RFX4: variants seen among roughly 807,000 people sequenced by gnomAD.
RFX4 encodes the protein transcription factor RFX4.
Under a neutral mutation model 95.0 loss-of-function variants are expected in RFX4, and 10 were observed. The ratio of observed to expected loss-of-function variants is 0.11; its 90% CI spans 0.06 to 0.18. RFX4 has a LOEUF of 0.18. RFX4 is among the 10% of genes least tolerant of loss of function. The pLI, the probability that RFX4 is intolerant of heterozygous loss-of-function variation, is 1.00. For missense variants in RFX4, 640 were observed against 922.0 expected (o/e 0.69, Z 3.96); for synonymous variants, 321 against 340.7 (o/e 0.94, Z 0.64).
intron 3 of RFX4, among the ~76,000 whole-genome samples, chr12:106,641,977 CTATATCTATATCTA>C (rs1565961045): frequency 2.7e-5 from 4 of 145,820 alleles, no homozygotes; most frequent in Non-Finnish European, 6.0e-5. Flanking sequence ...CTATCTATAT[CTATATCTATATCTA>C]TATCTATATC....
chr12:106,611,695 T>C (rs1047455579), intron 2 of RFX4, among the ~76,000 whole-genome samples: 3 of 152,084 alleles, frequency 2.0e-5, no homozygotes, highest in African/African-American at 7.2e-5. Context: ...ATTTTTTTAG[T>C]ACAGACAGGG....
chr12:106,589,629 C>T (rs1002305386), intron 1 of RFX4, among the ~76,000 whole-genome samples: 4 of 152,138 alleles, frequency 2.6e-5, no homozygotes, highest in Non-Finnish European at 5.9e-5. Context: ...ACACTCATGC[C>T]CTCTCCCCAC....
chr12:106,699,143 T>C (rs2041939358), intron 8 of RFX4, among the ~76,000 whole-genome samples: 1 of 152,168 alleles, frequency 6.6e-6, no homozygotes, highest in African/African-American at 2.4e-5. Context: ...TTCTACTTTC[T>C]CTTGTGAATT....
chr12:106,720,196 A>T lies in RFX4; in HGVS notation c.1233+142A>T. On this transcript the variant is annotated intron_variant, in intron 12 of 17. Transcript: ENST00000392842. This position sits in a 1 kb window ranked among gnomAD's most constrained non-coding sequence, Gnocchi z 4.2. ...GGCCCCAGGAGGTGGAGGGGTCAGG[A>T]GGCAGGACTCTTGAGTCTTCCATCC... is the stretch of plus-strand genomic sequence containing the variant. The T allele has an allele frequency of 3.0e-6, 2 of 672,704 alleles. No individual in the cohort carries two copies. Among genetic ancestry groups the T allele is most frequent in the Non-Finnish European group, 5.2e-6 (2 of 382,634 alleles). The allele number at this position is 672,704 out of a possible 1,614,324, so 41.7% of individuals were successfully genotyped here. A position where few individuals can be genotyped will look rare whatever the true frequency, so the allele number is the denominator to read the frequency against.
At chr12:106,625,329 T>C (rs2040272915) in intron 2 of RFX4, among the ~76,000 whole-genome samples, 1 of 152,224 alleles carries the variant, frequency 6.6e-6, no homozygotes, top group South Asian at 2.1e-4. Context: ...CTGATATTTT[T>C]TGATGGAATG....
chr12:106,653,924 T>C (rs1164989871), intron 3 of RFX4, among the ~76,000 whole-genome samples: 1 of 152,194 alleles, frequency 6.6e-6, no homozygotes, highest in Non-Finnish European at 1.5e-5. Flanking sequence ...GGAGTTTGCA[T>C]GTATCTGATC....
At chr12:106,610,348 A>C (rs11113056) in intron 2 of RFX4, among the ~76,000 whole-genome samples, 1 of 152,098 alleles carries the variant, frequency 6.6e-6, no homozygotes, top group Admixed American at 6.5e-5. Flanking sequence ...TCTGAAATGT[A>C]CAATTCATTG....
intron 1 of RFX4, among the ~76,000 whole-genome samples, chr12:106,588,992 C>T (rs2039500651): frequency 6.6e-6 from 1 of 152,178 alleles, no homozygotes; most frequent in South Asian, 2.1e-4. Flanking sequence ...GGTCTCTACT[C>T]CACAGGTTCC....
At chr12:106,688,073 T>C (rs2041699749) in intron 6 of RFX4, among the ~76,000 whole-genome samples, 2 of 145,746 alleles carry the variant, frequency 1.4e-5, no homozygotes, top group South Asian at 2.3e-4. Flanking sequence ...TCTTTTTTTT[T>C]TTTTTTTTTT....
chr12:106,677,683 G>A (rs1219731457), intron 4 of RFX4, among the ~76,000 whole-genome samples: 4 of 152,088 alleles, frequency 2.6e-5, no homozygotes, highest in Non-Finnish European at 5.9e-5. Flanking sequence ...CTCCAGCCTG[G>A]TCAACAGAGT....
At chr12:106,747,187 A>C (rs781029533) in intron 15 of RFX4, among the ~76,000 whole-genome samples, 4 of 152,196 alleles carry the variant, frequency 2.6e-5, no homozygotes, top group Non-Finnish European at 5.9e-5. Context: ...CAGCAGAAAC[A>C]GCACGTGCAA....
At chr12:106,584,609 T>G (rs375424220) in intron 1 of RFX4, among the ~76,000 whole-genome samples, 5 of 152,224 alleles carry the variant, frequency 3.3e-5, no homozygotes, top group African/African-American at 1.2e-4. Context: ...CTAGGCAGGC[T>G]GGATATGGAA....
intron 13 of RFX4, among the ~76,000 whole-genome samples, chr12:106,728,732 G>A (rs1489265068): frequency 3.3e-5 from 5 of 151,832 alleles, no homozygotes; most frequent in Admixed American, 6.6e-5. Context: ...TATCCTCATC[G>A]CTGCGACACT....
intron 17 of RFX4, among the ~76,000 whole-genome samples, chr12:106,760,070 G>C (rs1000971630): frequency 3.9e-5 from 6 of 152,092 alleles, no homozygotes; most frequent in African/African-American, 1.4e-4. Context: ...TCCCTCACAG[G>C]AGGCAGCCTC....
chr12:106,635,781 T>G (rs939047219), intron 2 of RFX4, among the ~76,000 whole-genome samples: 1 of 152,200 alleles, frequency 6.6e-6, no homozygotes, highest in Admixed American at 6.5e-5. Context: ...TAAAGAACTC[T>G]GAGAGTGTCA....
intron 1 of RFX4, among the ~76,000 whole-genome samples, chr12:106,591,687 C>T (rs571357960): frequency 6.6e-6 from 1 of 152,304 alleles, no homozygotes; most frequent in Non-Finnish European, 1.5e-5. Flanking sequence ...TTGGGATTCA[C>T]TCAAACTTTG....
chr12:106,706,622 G>T (rs146987306), intron 8 of RFX4, among the ~76,000 whole-genome samples: 1 of 152,202 alleles, frequency 6.6e-6, no homozygotes, highest in Non-Finnish European at 1.5e-5. Flanking sequence ...CAGGATAGAT[G>T]AATAGATTAC....
intron 16 of RFX4, 73 bp from the exon 17 acceptor site, chr12:106,750,582 G>C: frequency 7.6e-7 from 1 of 1,310,976 alleles, no homozygotes; most frequent in Non-Finnish European, 9.9e-7. Flanking sequence ...AATAGATGAG[G>C]TTTTTAAAAA....
chr12:106,723,812 A>G (rs1345446078), intron 13 of RFX4, among the ~76,000 whole-genome samples: 1 of 152,162 alleles, frequency 6.6e-6, no homozygotes, highest in African/African-American at 2.4e-5. Context: ...GCACTAAGAG[A>G]CAGGAATTGC....
Sources: allele counts gnomAD v4.1 joint callset (sites outside exome capture counted in the v4.1 genomes callset), GRCh38; gene constraint gnomAD v4.1.1; non-coding constraint Gnocchi (gnomAD v3.1); transcripts MANE v1.5; gene names NCBI Gene and HGNC (gene_info 2026-07-23, HGNC 2026-07-21).